CD44: variants seen among roughly 807,000 people sequenced by gnomAD.
CD44 encodes the protein CD44 molecule (IN blood group).
Under a neutral mutation model 88.8 loss-of-function variants are expected in CD44, and 49 were observed. That is an observed-to-expected ratio of 0.55 (90% CI 0.44 to 0.70). The LOEUF (loss-of-function observed/expected upper bound fraction) is 0.70. Ranked by LOEUF, CD44 falls within the 30% of genes least tolerant of loss-of-function variation. The pLI is 0.00. For synonymous variants in CD44, 325 were observed against 312.3 expected (o/e 1.04, Z -0.43); for missense variants, 883 against 913.8 (o/e 0.97, Z 0.43).
chr11:35,141,703 C>A lies in CD44; in HGVS notation c.67+2333C>A, dbSNP rs973875362. 2.6e-5 allele frequency among the ~76,000 whole-genome samples: 4 copies of A among 152,196 alleles called. No homozygotes were observed. In the East Asian group the frequency reaches 7.7e-4, roughly 29 times the overall value. ...GCCCCGTGTTTCCACGGCCCCTTTGCGCAGCATCATTTAGAGGAAGTACAA... is the reference window on the plus strand; with the variant it reads ...GCCCCGTGTTTCCACGGCCCCTTTGAGCAGCATCATTTAGAGGAAGTACAA... On this transcript the variant is annotated intron_variant, in intron 1 of 17. Coordinates refer to ENST00000428726, the MANE Select transcript of CD44 (RefSeq NM_000610.4).
intron 1 of CD44, among the ~76,000 whole-genome samples, chr11:35,174,891 C>G (rs531653040): frequency 1.3e-5 from 2 of 152,190 alleles, no homozygotes; most frequent in African/African-American, 4.8e-5. Flanking sequence ...GTAAAAGGCC[C>G]TTGCTTTCTC....
chr11:35,196,949 T>C, intron 6 of CD44, 75 bp downstream of exon 6: 2 of 1,490,946 alleles, frequency 1.3e-6, no homozygotes, highest in Non-Finnish European at 1.8e-6. Context: ...CTCTGGGATG[T>C]TATTAAAGCC....
At chr11:35,168,778 T>TG (rs1255860269) in intron 1 of CD44, among the ~76,000 whole-genome samples, 1 of 152,244 alleles carries the variant, frequency 6.6e-6, no homozygotes, top group African/African-American at 2.4e-5. Context: ...GGGCATAGTA[T>TG]GACTGTAGGT....
chr11:35,179,870 T>C (rs980649189), intron 2 of CD44, among the ~76,000 whole-genome samples: 6 of 152,200 alleles, frequency 3.9e-5, no homozygotes, highest in African/African-American at 1.4e-4. Context: ...AAGCTGGCCA[T>C]TTTGTGTATT....
chr11:35,158,164 C>T (rs900704426), intron 1 of CD44, among the ~76,000 whole-genome samples: 10 of 152,206 alleles, frequency 6.6e-5, no homozygotes, highest in Non-Finnish European at 1.2e-4. Flanking sequence ...TCCCAGAGCC[C>T]TGGGAGACAC....
intron 2 of CD44, among the ~76,000 whole-genome samples, chr11:35,178,267 G>A (rs1310636208): frequency 6.6e-6 from 1 of 152,196 alleles, no homozygotes; most frequent in East Asian, 1.9e-4. Flanking sequence ...GCCATGTGCT[G>A]AGGACCAGGG....
intron 1 of CD44, among the ~76,000 whole-genome samples, chr11:35,158,778 G>A (rs979396816): frequency 2.6e-5 from 4 of 152,218 alleles, no homozygotes; most frequent in African/African-American, 9.6e-5. Flanking sequence ...AGGCTTCCTG[G>A]AACAACTGTT....
chr11:35,212,240 AC>A (rs2134212212), intron 14 of CD44, among the ~76,000 whole-genome samples: 1 of 152,314 alleles, frequency 6.6e-6, no homozygotes, highest in South Asian at 2.1e-4. Context: ...GAAATAAAAA[AC>A]AGATTCTGTC....
At chr11:35,208,344 T>C (rs1030918080) in intron 12 of CD44, 138 bp downstream of exon 12, 2 of 647,482 alleles carry the variant, frequency 3.1e-6, no homozygotes, top group African/African-American at 3.6e-5. Flanking sequence ...GAAACTGTCT[T>C]CATTGTCTGT....
intron 1 of CD44, among the ~76,000 whole-genome samples, chr11:35,173,315 G>A (rs372980023): frequency 1.8e-4 from 27 of 152,280 alleles, no homozygotes; most frequent in African/African-American, 5.3e-4. Context: ...GAGAGGCCCC[G>A]GAAGGTCTGT....
At chr11:35,172,750 G>A (rs185076914) in intron 1 of CD44, among the ~76,000 whole-genome samples, 1 of 152,174 alleles carries the variant, frequency 6.6e-6, no homozygotes, top group Admixed American at 6.5e-5. Flanking sequence ...AATTCATGTT[G>A]CTCTGAGAGA....
At chr11:35,204,740 C>T in intron 10 of CD44, 100 bp downstream of exon 10, 1 of 1,075,124 alleles carries the variant, frequency 9.3e-7, no homozygotes, top group South Asian at 1.5e-5. Flanking sequence ...GAGGAATTGT[C>T]ACGAGATGTT....
At position 35,190,293 on chromosome 11, in the gene CD44, T is replaced by A. The variant is rs1946142425; in HGVS notation, c.667+228T>A. 4 of 574,540 alleles carry A rather than the reference T, an allele frequency of 7.0e-6. No individual in the cohort carries two copies. The Admixed American group carries it at 1.2e-4, about 18-fold the overall frequency. 35.6% of individuals were successfully genotyped at this position (574,540 alleles called of 1,614,324 possible). ...TATAACTGTTTTTCTTACCTTAGCA[T>A]AAGAAGTGCCATATTGGAAGTTTTA... On this transcript the variant is annotated intron_variant, in intron 5 of 17. Transcript: ENST00000428726.
intron 9 of CD44, 73 bp downstream of exon 9, chr11:35,201,860 T>C: frequency 6.6e-7 from 1 of 1,508,112 alleles, no homozygotes; most frequent in Non-Finnish European, 9.1e-7. Context: ...GGGAAGATTT[T>C]GTTTAGAAAT....
At chr11:35,200,635 A>G (rs1947222873) in intron 7 of CD44, 1 of 159,182 alleles carries the variant, frequency 6.3e-6, no homozygotes. Context: ...TTATCATGGT[A>G]TAACTTTCAG....
intron 9 of CD44, among the ~76,000 whole-genome samples, chr11:35,203,726 T>C (rs1002587886): frequency 6.6e-6 from 1 of 152,096 alleles, no homozygotes; most frequent in Non-Finnish European, 1.5e-5. Context: ...AAAAAGAAAT[T>C]GCTACAAGCT....
intron 5 of CD44, among the ~76,000 whole-genome samples, chr11:35,195,967 T>C (rs1946699110): frequency 6.6e-6 from 1 of 152,186 alleles, no homozygotes; most frequent in East Asian, 1.9e-4. Flanking sequence ...TACTTCTATG[T>C]CATTTTCCCT....
At chr11:35,160,828 C>T (rs142222081) in intron 1 of CD44, among the ~76,000 whole-genome samples, 100 of 152,320 alleles carry the variant, frequency 6.6e-4, no homozygotes, top group South Asian at 8.3e-4. Flanking sequence ...AAGGCATGGT[C>T]CCAGTGGAAC....
chr11:35,202,595 C>G (rs1485017684), intron 9 of CD44, among the ~76,000 whole-genome samples: 3 of 152,116 alleles, frequency 2.0e-5, no homozygotes, highest in Admixed American at 6.5e-5. Context: ...TCTCACAGCC[C>G]TAGATACACC....
Sources: gnomAD v4.1 joint callset for allele counts (sites outside exome capture counted in the v4.1 genomes callset) on GRCh38, gnomAD v4.1.1 for gene constraint, MANE v1.5 for transcripts, NCBI Gene and HGNC (gene_info 2026-07-23, HGNC 2026-07-21) for gene names.